RALYL: variants seen among roughly 807,000 people sequenced by gnomAD.
RALYL encodes RALY RNA binding protein like.
RALYL carries 29 observed loss-of-function variants against 35.1 expected under a neutral mutation model. That is an observed-to-expected ratio of 0.83 (90% CI 0.61 to 1.13). The LOEUF (loss-of-function observed/expected upper bound fraction) is 1.13. RALYL is among the 50% of genes most tolerant of loss of function. RALYL has a pLI of 0.00. For missense variants in RALYL, 359 were observed against 360.4 expected, an observed-to-expected ratio of 1.00 and a Z score of 0.03; for synonymous variants, 120 against 127.6, an observed-to-expected ratio of 0.94 and a Z score of 0.40.
At chr8:84,668,745 G>A (rs1832588921) in intron 2 of RALYL, among the ~76,000 whole-genome samples, 2 of 152,106 alleles carry the variant, frequency 1.3e-5, no homozygotes, top group Non-Finnish European at 2.9e-5. Flanking sequence ...TGTTATTAGA[G>A]CTTGGATGAT....
At chr8:84,913,031 G>GGT (rs1847798549) in intron 8 of RALYL, among the ~76,000 whole-genome samples, 1 of 86,224 alleles carries the variant, frequency 1.2e-5, no homozygotes, top group South Asian at 4.6e-4. Flanking sequence ...TGGATGGATG[G>GGT]ATAGGTAGGT....
At chr8:84,780,108 C>T (rs1357995893) in intron 3 of RALYL, among the ~76,000 whole-genome samples, 2 of 152,122 alleles carry the variant, frequency 1.3e-5, no homozygotes, top group African/African-American at 2.4e-5. Context: ...TTAATATTTC[C>T]ATTATCATTA....
intron 1 of RALYL, among the ~76,000 whole-genome samples, chr8:84,356,084 C>T (rs1387492737): frequency 6.7e-6 from 1 of 150,040 alleles, no homozygotes; most frequent in Non-Finnish European, 1.5e-5. Flanking sequence ...GAAGAAGGTG[C>T]TTCCTTCCCT....
chr8:84,877,106 G>T (rs1479144816), intron 7 of RALYL, among the ~76,000 whole-genome samples: 1 of 152,210 alleles, frequency 6.6e-6, no homozygotes, highest in East Asian at 1.9e-4. Context: ...AATGTATTTT[G>T]CTTTCACTTG....
chr8:84,506,928 G>A (rs1489691675), intron 1 of RALYL, among the ~76,000 whole-genome samples: 1 of 151,976 alleles, frequency 6.6e-6, no homozygotes, highest in Non-Finnish European at 1.5e-5. Context: ...ACCTGTCACG[G>A]CACAGCCCAA....
chr8:84,712,371 G>C (rs1376468390), intron 2 of RALYL, among the ~76,000 whole-genome samples: 3 of 152,118 alleles, frequency 2.0e-5, no homozygotes, highest in Non-Finnish European at 2.9e-5. Flanking sequence ...ATATTGGTCT[G>C]CCTCATATCC....
At chr8:84,590,581 G>A (rs1813014350) in intron 2 of RALYL, among the ~76,000 whole-genome samples, 1 of 152,196 alleles carries the variant, frequency 6.6e-6, no homozygotes, top group Non-Finnish European at 1.5e-5. Context: ...CGCTCATGTG[G>A]AAGGAGGATT....
At chr8:84,703,402 C>T (rs111594618) in intron 2 of RALYL, among the ~76,000 whole-genome samples, 2 of 152,008 alleles carry the variant, frequency 1.3e-5, no homozygotes, top group African/African-American at 2.4e-5. Context: ...CAAACATTGA[C>T]GAGTACAAGT....
intron 2 of RALYL, among the ~76,000 whole-genome samples, chr8:84,549,248 A>T (rs1363003001): frequency 6.6e-6 from 1 of 152,214 alleles, no homozygotes; most frequent in Non-Finnish European, 1.5e-5. Context: ...GTAAAACAAC[A>T]AGCCGAAATG....
At chr8:84,702,156 T>C (rs1319679148) in intron 2 of RALYL, among the ~76,000 whole-genome samples, 1 of 152,318 alleles carries the variant, frequency 6.6e-6, no homozygotes, top group East Asian at 1.9e-4. Context: ...CAGCACCTAA[T>C]GAACATTCTC....
intron 1 of RALYL, among the ~76,000 whole-genome samples, chr8:84,370,520 A>T (rs1855475202): frequency 6.6e-6 from 1 of 152,028 alleles, no homozygotes; most frequent in African/African-American, 2.4e-5. Flanking sequence ...TGAGTCTGTT[A>T]AACGGGGAAC....
chr8:84,681,702 T>C (rs1412559578), intron 2 of RALYL, among the ~76,000 whole-genome samples: 1 of 152,214 alleles, frequency 6.6e-6, no homozygotes, highest in Admixed American at 6.5e-5. Flanking sequence ...ATCCTAACTG[T>C]TTGCCGCAGT....
chr8:84,262,254 G>A (rs1187094391), intron 1 of RALYL, among the ~76,000 whole-genome samples: 1 of 152,070 alleles, frequency 6.6e-6, no homozygotes, highest in Non-Finnish European at 1.5e-5. Context: ...GAAAAATATA[G>A]TGCACTTTTT....
At chr8:84,900,153 C>T (rs1253526423) in intron 8 of RALYL, among the ~76,000 whole-genome samples, 4 of 152,042 alleles carry the variant, frequency 2.6e-5, no homozygotes, top group Non-Finnish European at 5.9e-5. Flanking sequence ...AGTTTCTATA[C>T]AGAGGATAAC....
intron 2 of RALYL, among the ~76,000 whole-genome samples, chr8:84,645,630 G>A (rs1329607435): frequency 6.6e-6 from 1 of 152,024 alleles, no homozygotes; most frequent in Non-Finnish European, 1.5e-5. Context: ...TCTTAGGTCT[G>A]CTAGTAAAAA....
At chr8:84,792,524 G>T (rs1821037919) in intron 3 of RALYL, among the ~76,000 whole-genome samples, 1 of 152,200 alleles carries the variant, frequency 6.6e-6, no homozygotes, top group South Asian at 2.1e-4. Flanking sequence ...AGGCCAAAAG[G>T]CAAATTTGGG....
Position 84,442,414 on chromosome 8 carries a change from C to T in RALYL, c.-23-86885C>T, listed in dbSNP as rs547392366. Among the ~76,000 whole-genome samples, 15 of 152,158 alleles carry T rather than the reference C, an allele frequency of 9.9e-5. No homozygotes were observed. In the South Asian group the frequency reaches 2.1e-3, roughly 21 times the overall value. ...CTCTAGTATTAAATTCTTTATACAACGTTTATTGTCTGTTCTTTTTCTTTT... is the reference window on the plus strand; with the variant it reads ...CTCTAGTATTAAATTCTTTATACAATGTTTATTGTCTGTTCTTTTTCTTTT... On this transcript the variant is annotated intron_variant, in intron 1 of 8. Coordinates refer to ENST00000521268, the MANE Select transcript of RALYL (RefSeq NM_173848.7).
chr8:84,264,205 G>T (rs572917756), intron 1 of RALYL, among the ~76,000 whole-genome samples: 1 of 152,220 alleles, frequency 6.6e-6, no homozygotes, highest in South Asian at 2.1e-4. Context: ...CTTCCAAAAT[G>T]GTTGAACTAA....
intron 1 of RALYL, among the ~76,000 whole-genome samples, chr8:84,304,101 T>G (rs1841334973): frequency 6.6e-6 from 1 of 152,060 alleles, no homozygotes; most frequent in Admixed American, 6.5e-5. Context: ...TCATTATTTT[T>G]TAAAGTTTTG....
Sources: allele counts gnomAD v4.1 joint callset (sites outside exome capture counted in the v4.1 genomes callset), GRCh38; gene constraint gnomAD v4.1.1; transcripts MANE v1.5; gene names NCBI Gene and HGNC (gene_info 2026-07-23, HGNC 2026-07-21).